The following TXNL4A variants were observed in gnomAD, a reference collection of about 807,000 sequenced individuals.
TXNL4A encodes the protein thioredoxin-like protein 4A.
A neutral mutation model predicts 14.6 loss-of-function variants in TXNL4A; 17 were observed. That is an observed-to-expected ratio of 1.16 (90% CI 0.80 to 1.74). TXNL4A has a LOEUF of 1.74. TXNL4A is among the 40% of genes most tolerant of loss of function. TXNL4A has a pLI of 0.00. For synonymous variants in TXNL4A, 83 were observed against 70.6 expected, an observed-to-expected ratio of 1.18 and a Z score of -0.88; for missense variants, 74 against 195.2, an observed-to-expected ratio of 0.38 and a Z score of 3.70.
chr18:80,012,501 T>C (rs188858460), intron 1 of TXNL4A, among the ~76,000 whole-genome samples: 98 of 152,224 alleles, frequency 6.4e-4, no homozygotes, highest in Middle Eastern at 3.4e-3. Context: ...CCAGGAGCCA[T>C]AGAGAAAGTA....
At chr18:79,995,471 A>C (rs1250809997) in intron 1 of TXNL4A, 1 of 152,234 alleles carries the variant, frequency 6.6e-6, no homozygotes, top group African/African-American at 2.4e-5. Flanking sequence ...AGATTATTTC[A>C]CACGTTTTGA....
In TXNL4A at chr18:79,988,468, C is replaced by A. The variant is rs1240724535; in HGVS notation, c.-76G>T. On this transcript the variant is annotated 5_prime_UTR_variant, in exon 1 of 3. Coordinates refer to ENST00000269601, the MANE Select transcript of TXNL4A (RefSeq NM_006701.5). ...AGCGAGGTGGGCTCAGCCGGCCCCT[C>A]ACTCCCCGGCCCCCGCCGCCCCCGG... 1 of 1,262,782 alleles carries A rather than the reference C, an allele frequency of 7.9e-7. No homozygotes were observed. The highest frequency in any genetic ancestry group is 1.6e-5 in the African/African-American group (1 of 64,080). The allele number at this position is 1,262,782 out of a possible 1,614,324, so 78.2% of individuals were successfully genotyped here. A position where few individuals can be genotyped will look rare whatever the true frequency, so the allele number is the denominator to read the frequency against.
intron 1 of TXNL4A, among the ~76,000 whole-genome samples, chr18:80,009,183 C>CT (rs1015065135): frequency 9.2e-5 from 14 of 151,800 alleles, no homozygotes; most frequent in South Asian, 4.2e-4. Flanking sequence ...GAAAGTAATA[C>CT]TTTTTTTTTG....
intron 1 of TXNL4A, among the ~76,000 whole-genome samples, chr18:80,022,244 TA>T (rs1298750507): frequency 2.6e-5 from 4 of 152,184 alleles, no homozygotes; most frequent in African/African-American, 9.7e-5. Context: ...CCAGAGGAGC[TA>T]ATGATCTGGC....
intron 1 of TXNL4A, among the ~76,000 whole-genome samples, chr18:80,021,908 G>A (rs930750448): frequency 1.3e-5 from 2 of 152,030 alleles, no homozygotes; most frequent in Non-Finnish European, 2.9e-5. Flanking sequence ...CACACCTCTG[G>A]GTTAACATTG....
chr18:80,010,958 CTT>C (rs914737136), intron 1 of TXNL4A, among the ~76,000 whole-genome samples: 1 of 146,016 alleles, frequency 6.8e-6, no homozygotes, highest in Admixed American at 6.9e-5. Flanking sequence ...TTGGGCATTG[CTT>C]TTTTTTTTTC....
intron 1 of TXNL4A, among the ~76,000 whole-genome samples, chr18:80,029,172 GC>G (rs966505132): frequency 1.3e-5 from 2 of 152,154 alleles, no homozygotes; most frequent in African/African-American, 2.4e-5. Context: ...GATGTCAGGT[GC>G]CCCTTATGGA....
At chr18:80,025,836 G>A (rs2051880885) in intron 1 of TXNL4A, among the ~76,000 whole-genome samples, 1 of 152,144 alleles carries the variant, frequency 6.6e-6, no homozygotes, top group East Asian at 1.9e-4. Context: ...GACCCCTGAA[G>A]GCCCAGTAGA....
chr18:80,011,020 A>AGG lies in TXNL4A; in HGVS notation c.-61+22829_-61+22830dup, dbSNP rs1399598881. 6.6e-6 allele frequency among the ~76,000 whole-genome samples: 1 copy of AGG among 151,532 alleles called. No homozygotes were observed. The highest frequency in any genetic ancestry group is 2.4e-5 in the African/African-American group (1 of 41,184). Reference sequence around the variant, plus strand: ...GGCATTGTGTGGGGGAAGAGCAGCTAGGGTTCCTCCTGGGGTTGGTTTAAG... The same window carrying AGG: ...GGCATTGTGTGGGGGAAGAGCAGCTAGGGGGTTCCTCCTGGGGTTGGTTTAAG... On this transcript the variant is annotated intron_variant, in intron 1 of 2. Coordinates refer to the TXNL4A transcript ENST00000585474. The surrounding 1 kb of genome is among the most constrained non-coding windows in gnomAD (Gnocchi z 4.1).
intron 1 of TXNL4A, among the ~76,000 whole-genome samples, chr18:80,012,333 T>C (rs2051775498): frequency 1.3e-5 from 2 of 152,194 alleles, no homozygotes; most frequent in African/African-American, 4.8e-5. Flanking sequence ...CCTTCCGTTT[T>C]GGTATGTGTG....
chr18:79,996,103 CAAAAAAA>C (rs60443481), intron 1 of TXNL4A, among the ~76,000 whole-genome samples: 4 of 61,314 alleles, frequency 6.5e-5, no homozygotes, highest in Middle Eastern at 0.018. Flanking sequence ...GACTCTGACT[CAAAAAAA>C]AAAAAAAAAA....
chr18:80,003,793 A>G (rs990832430), intron 1 of TXNL4A, among the ~76,000 whole-genome samples: 1 of 152,236 alleles, frequency 6.6e-6, no homozygotes, highest in Non-Finnish European at 1.5e-5. Flanking sequence ...CAGGAAATTT[A>G]CAATCAATGC....
At chr18:80,010,624 C>G (rs2051763553) in intron 1 of TXNL4A, among the ~76,000 whole-genome samples, 1 of 152,360 alleles carries the variant, frequency 6.6e-6, no homozygotes, top group Non-Finnish European at 1.5e-5. Context: ...ACTGTCTATA[C>G]AAAGGACGAA....
intron 1 of TXNL4A, among the ~76,000 whole-genome samples, chr18:79,984,496 T>C (rs1447093984): frequency 6.6e-6 from 1 of 152,218 alleles, no homozygotes; most frequent in Admixed American, 6.5e-5. Context: ...CTCAGGAGGC[T>C]GAGGTTGCAG....
In TXNL4A at chr18:79,993,578, T is replaced by G. The variant is rs1599736411; in HGVS notation, c.-60-15877A>C. Among the ~76,000 whole-genome samples, 2 of 152,316 alleles carry G rather than the reference T, an allele frequency of 1.3e-5. No homozygotes were observed. The highest frequency in any genetic ancestry group is 2.4e-5 in the African/African-American group (1 of 41,566). ...TTTGCGTGATCACTGTTAGTTTTGC[T>G]TAGCTGTTTTGTTGTTTCCGTCTTG... On this transcript the variant is annotated intron_variant, in intron 1 of 2. Coordinates refer to the TXNL4A transcript ENST00000585474. The surrounding 1 kb of genome is among the most constrained non-coding windows in gnomAD (Gnocchi z 4.4).
chr18:80,013,836 A>C (rs1000998145), intron 1 of TXNL4A, among the ~76,000 whole-genome samples: 2 of 152,230 alleles, frequency 1.3e-5, no homozygotes, highest in Non-Finnish European at 2.9e-5. Flanking sequence ...CTGCTGATAA[A>C]GACGTACCTG....
chr18:80,026,488 A>C (rs921932476), intron 1 of TXNL4A, among the ~76,000 whole-genome samples: 2 of 152,084 alleles, frequency 1.3e-5, no homozygotes, highest in Middle Eastern at 3.4e-3. Context: ...CTACCCTGAC[A>C]AAAAAAACTG....
intron 1 of TXNL4A, among the ~76,000 whole-genome samples, chr18:80,022,145 C>T (rs1258646958): frequency 1.3e-5 from 2 of 152,132 alleles, no homozygotes; most frequent in Non-Finnish European, 2.9e-5. Flanking sequence ...TAAGGTCCTG[C>T]AATGAGCAGG....
chr18:80,025,112 C>T (rs565757745), intron 1 of TXNL4A, among the ~76,000 whole-genome samples: 27 of 152,122 alleles, frequency 1.8e-4, no homozygotes, highest in Middle Eastern at 3.4e-3. Context: ...TTGAGATGCC[C>T]GAATTAGTGT....
Sources: gnomAD v4.1 joint callset for allele counts (sites outside exome capture counted in the v4.1 genomes callset) on GRCh38, gnomAD v4.1.1 for gene constraint, Gnocchi (gnomAD v3.1) non-coding constraint, MANE v1.5 for transcripts, NCBI Gene and HGNC (gene_info 2026-07-23, HGNC 2026-07-21) for gene names.